GPATCH2L: variants seen among roughly 807,000 people sequenced by gnomAD.
GPATCH2L encodes the protein G patch domain-containing protein 2-like.
Under a neutral mutation model 57.4 loss-of-function variants are expected in GPATCH2L, and 31 were observed. The observed-to-expected ratio is 0.54, with a 90% CI of 0.41 to 0.73. GPATCH2L has a LOEUF of 0.73. Ranked by LOEUF, GPATCH2L falls within the 30% of genes least tolerant of loss-of-function variation. The pLI is 0.00. For missense variants in GPATCH2L, 481 were observed against 599.9 expected (o/e 0.80, Z 2.07); for synonymous variants, 199 against 210.7 (o/e 0.94, Z 0.48).
chr14:76,171,503 G>A (rs1404153768), intron 3 of GPATCH2L, among the ~76,000 whole-genome samples: 2 of 151,932 alleles, frequency 1.3e-5, no homozygotes, highest in Admixed American at 6.6e-5. Flanking sequence ...GCTTGAACCC[G>A]GGAGGGGAGG....
At chr14:76,215,699 A>C (rs574055693), downstream of GPATCH2L, among the ~76,000 whole-genome samples, 5 of 142,982 alleles carry the variant, frequency 3.5e-5, no homozygotes, top group African/African-American at 1.3e-4. Context: ...TCTCACTCAT[A>C]GGTGGGAATT....
At position 76,151,948 on chromosome 14, in the gene GPATCH2L, T is replaced by G. The variant is rs1282644514; in HGVS notation, c.-54T>G. On this transcript the variant is annotated 5_prime_UTR_variant, in exon 1 of 10. Transcript: ENST00000261530. ...GAGAGGGAAGCCCCGGCGGTGAGAG[T>G]CGGCCCAAAAAGCGGCGGCCGTTGG... 6.5e-6 allele frequency: 1 copy of G among 154,030 alleles called. No individual in the cohort carries two copies. The highest frequency in any genetic ancestry group is 2.4e-5 in the African/African-American group (1 of 41,360). 9.5% of individuals were successfully genotyped at this position (154,030 alleles called of 1,614,324 possible). A position where few individuals can be genotyped will look rare whatever the true frequency, so the allele number is the denominator to read the frequency against.
intron 8 of GPATCH2L, among the ~76,000 whole-genome samples, chr14:76,194,277 T>C (rs2040075950): frequency 6.6e-6 from 1 of 152,202 alleles, no homozygotes; most frequent in African/African-American, 2.4e-5. Context: ...TCATGAGGTA[T>C]TTGACTTAAT....
At chr14:76,200,382 T>C (rs1476626977) in intron 9 of GPATCH2L, among the ~76,000 whole-genome samples, 1 of 152,204 alleles carries the variant, frequency 6.6e-6, no homozygotes, top group Non-Finnish European at 1.5e-5. Flanking sequence ...AGGGTAGTGC[T>C]TTTTTCACTG....
At chr14:76,182,532 GC>G in intron 8 of GPATCH2L, among the ~76,000 whole-genome samples, 1 of 141,730 alleles carries the variant, frequency 7.1e-6, no homozygotes, top group Non-Finnish European at 1.5e-5. Flanking sequence ...GTTGTAGTGA[GC>G]TGTGATGATG....
intron 2 of GPATCH2L, among the ~76,000 whole-genome samples, chr14:76,159,687 A>T (rs1209793232): frequency 6.6e-6 from 1 of 152,104 alleles, no homozygotes; most frequent in Non-Finnish European, 1.5e-5. Context: ...TTCTCTGCCC[A>T]TGTCAACTGG....
chr14:76,216,061 G>A (rs2040488181), downstream of GPATCH2L, among the ~76,000 whole-genome samples: 2 of 152,092 alleles, frequency 1.3e-5, no homozygotes, highest in South Asian at 2.1e-4. Flanking sequence ...GGATGCAGGA[G>A]GTAAAGCAGG....
chr14:76,222,044 G>A (rs1420578970), intron 1 of GPATCH2L, among the ~76,000 whole-genome samples: 1 of 152,168 alleles, frequency 6.6e-6, no homozygotes, highest in Non-Finnish European at 1.5e-5. Flanking sequence ...CTCTGGTGAG[G>A]AAGGCTGTGC....
In GPATCH2L at chr14:76,180,855, T is replaced by C; in HGVS notation, c.1193+6T>C. Reference sequence around the variant, plus strand: ...CCAGCACACTGCTCTGCCAGGTAATTGTCTTTTAGTAGCGGTTATTTGCTT... The same window carrying C: ...CCAGCACACTGCTCTGCCAGGTAATCGTCTTTTAGTAGCGGTTATTTGCTT... On this transcript the variant is annotated splice_donor_region_variant and intron_variant, in intron 8 of 9. Coordinates refer to ENST00000261530, the MANE Select transcript of GPATCH2L (RefSeq NM_017926.4). 1 of 1,569,268 alleles carries C rather than the reference T, an allele frequency of 6.4e-7. No individual in the cohort carries two copies. Among genetic ancestry groups the C allele is most frequent in the South Asian group, 1.1e-5 (1 of 90,206 alleles).
At chr14:76,166,504 G>A (rs1190324311) in intron 2 of GPATCH2L, among the ~76,000 whole-genome samples, 159 bp from the exon 3 acceptor site, 1 of 152,156 alleles carries the variant, frequency 6.6e-6, no homozygotes, top group Admixed American at 6.5e-5. Context: ...TTTGTTTGGG[G>A]AGGAAAATAA....
intron 5 of GPATCH2L, chr14:76,175,105 T>C (rs1290786753): frequency 6.6e-6 from 1 of 152,184 alleles, no homozygotes; most frequent in Admixed American, 6.5e-5. Flanking sequence ...GGTTTTACTT[T>C]TATTGTTTAG....
In GPATCH2L at chr14:76,209,973, T is replaced by G. The variant is rs1566823588; in HGVS notation, c.*8122T>G. On this transcript the variant is annotated 3_prime_UTR_variant, in exon 10 of 10. Coordinates refer to ENST00000261530, the MANE Select transcript of GPATCH2L (RefSeq NM_017926.4). ...GGACAGCCAATAAGAATAACAAAGG[T>G]CCACCAGAACCATTGCCCCAGTCAC... The G allele has an allele frequency of 6.6e-6, 1 of 152,162 alleles. No individual in the cohort carries two copies. The highest frequency in any genetic ancestry group is 1.5e-5 in the Non-Finnish European group (1 of 68,034). 9.4% of individuals were successfully genotyped at this position (152,162 alleles called of 1,614,324 possible). A position where few individuals can be genotyped will look rare whatever the true frequency, so the allele number is the denominator to read the frequency against.
At chr14:76,199,563 T>C (rs906226301) in intron 9 of GPATCH2L, among the ~76,000 whole-genome samples, 2 of 152,224 alleles carry the variant, frequency 1.3e-5, no homozygotes, top group African/African-American at 2.4e-5. Context: ...TATGCTATTA[T>C]GGAAAATACT....
rs1283952953 is a variant in GPATCH2L at position 76,213,995 on chromosome 14, T to G, written c.*12144T>G. 1 of 152,192 alleles carries G rather than the reference T, an allele frequency of 6.6e-6. No individual in the cohort carries two copies. The highest frequency in any genetic ancestry group is 1.9e-4 in the East Asian group (1 of 5,204). The allele number at this position is 152,192 out of a possible 1,614,324, so 9.4% of individuals were successfully genotyped here. A position where few individuals can be genotyped will look rare whatever the true frequency, so the allele number is the denominator to read the frequency against. The stretch of plus-strand genomic sequence containing the variant: ...ACCACACTGTTTTAATTATAGAGAC[T>G]TTATAGTATGTTTTAACAACTGGCA... On this transcript the variant is annotated 3_prime_UTR_variant, in exon 10 of 10. Transcript: ENST00000261530.
rs1016692381 is a variant in GPATCH2L at position 76,203,851 on chromosome 14, A to G, written c.*2000A>G. On this transcript the variant is annotated 3_prime_UTR_variant, in exon 10 of 10. Transcript: ENST00000261530. Reference sequence around the variant, plus strand: ...GGTTGGGTTTGAGAGAAATCTGTGGACGTAATTTTTTGTTTGTGTCAAGCT... The same window carrying G: ...GGTTGGGTTTGAGAGAAATCTGTGGGCGTAATTTTTTGTTTGTGTCAAGCT... 1 of 152,162 alleles carries G rather than the reference A, an allele frequency of 6.6e-6. No individual in the cohort carries two copies. Among genetic ancestry groups the G allele is most frequent in the Admixed American group, 6.5e-5 (1 of 15,280 alleles). 9.4% of individuals were successfully genotyped at this position (152,162 alleles called of 1,614,324 possible).
chr14:76,221,104 A>G (rs1385534848), intron 1 of GPATCH2L, among the ~76,000 whole-genome samples: 2 of 152,014 alleles, frequency 1.3e-5, no homozygotes, highest in Non-Finnish European at 2.9e-5. Context: ...AATGTTTGCA[A>G]AAGACACATC....
chr14:76,200,832 G>A (rs999633999), intron 9 of GPATCH2L, among the ~76,000 whole-genome samples: 6 of 152,048 alleles, frequency 3.9e-5, no homozygotes, highest in Admixed American at 6.6e-5. Flanking sequence ...ATTGGGTGAC[G>A]GTAAAATCCA....
Position 76,154,349 on chromosome 14 carries a change from G to T in GPATCH2L, c.-10-5G>T. ...TTCTTTTTTTCCTAAACTTCCTTTT[G>T]GCAGATGTGGCCTCATGGATGAGCT... On this transcript the variant is annotated splice_region_variant and splice_polypyrimidine_tract_variant and intron_variant, in intron 1 of 9. Coordinates refer to ENST00000261530, the MANE Select transcript of GPATCH2L (RefSeq NM_017926.4). This position sits in a 1 kb window ranked among gnomAD's most constrained non-coding sequence, Gnocchi z 4.4. 1.1e-5 allele frequency: 16 copies of T among 1,519,456 alleles called. No homozygotes were observed. The highest frequency in any genetic ancestry group is 7.0e-5 in the East Asian group (3 of 42,686). 94.1% of individuals were successfully genotyped at this position (1,519,456 alleles called of 1,614,324 possible). A position where few individuals can be genotyped will look rare whatever the true frequency, so the allele number is the denominator to read the frequency against.
intron 4 of GPATCH2L, 128 bp from the exon 5 acceptor site, chr14:76,173,418 G>A: frequency 1.7e-6 from 1 of 600,756 alleles, no homozygotes; most frequent in Non-Finnish European, 3.0e-6. Flanking sequence ...TTGGCAAATA[G>A]CTCTGTGATG....
Sources: allele counts gnomAD v4.1 joint callset (sites outside exome capture counted in the v4.1 genomes callset), GRCh38; gene constraint gnomAD v4.1.1; non-coding constraint Gnocchi (gnomAD v3.1); transcripts MANE v1.5; gene names NCBI Gene and HGNC (gene_info 2026-07-23, HGNC 2026-07-21).